DRC4: variants seen among roughly 807,000 people sequenced by gnomAD.
The protein encoded by DRC4 is GAS-11.
At chr16:90,032,940 G>T in the DRC4 span, 1 of 1,605,482 alleles carries the variant, frequency 6.2e-7, no homozygotes, top group South Asian at 1.1e-5. Flanking sequence ...TGTGGCGGGG[G>T]CACCTGGAGG....
At chr16:90,044,868 C>G in the DRC4 span, 1 of 246,298 alleles carries the variant, frequency 4.1e-6, no homozygotes, top group Non-Finnish European at 8.2e-6. Context: ...ATCCCATGAG[C>G]AAGAACCACT....
At chr16:90,027,701 A>C in the DRC4 span, 1 of 1,613,862 alleles carries the variant, frequency 6.2e-7, no homozygotes, top group African/African-American at 1.3e-5. Flanking sequence ...GGCTCGCTCC[A>C]GAGGACATGA....
At chr16:90,043,413 C>T in the DRC4 span, 6 of 1,417,540 alleles carry the variant, frequency 4.2e-6, no homozygotes, top group African/African-American at 4.3e-5. Context: ...CCCCTTATCA[C>T]ACCAAGGACA....
the DRC4 span, chr16:90,040,327 CG>C: frequency 6.3e-7 from 1 of 1,597,350 alleles, no homozygotes; most frequent in East Asian, 2.3e-5. Context: ...CGAGCTCTAT[CG>C]GAAGTTCACC....
At chr16:90,034,636 T>C in the DRC4 span, among the ~76,000 whole-genome samples, 1 of 151,956 alleles carries the variant, frequency 6.6e-6, no homozygotes, top group African/African-American at 2.4e-5. Context: ...AAAAGAAAAA[T>C]TACTGCTTTA....
the DRC4 span, chr16:90,044,520 G>A: frequency 4.2e-6 from 2 of 471,224 alleles, no homozygotes; most frequent in Non-Finnish European, 8.8e-6. Context: ...GTGGGTAGAA[G>A]CTTTCCTGCC....
the DRC4 span, chr16:90,035,599 G>A: frequency 7.4e-6 from 12 of 1,614,088 alleles, no homozygotes; most frequent in South Asian, 8.8e-5. Flanking sequence ...CTCTGTGTCC[G>A]GCTGTGTAGT....
the DRC4 span, among the ~76,000 whole-genome samples, chr16:90,033,727 A>G: frequency 3.3e-5 from 5 of 152,222 alleles, no homozygotes; most frequent in Admixed American, 6.5e-5. Flanking sequence ...ATCTCTGACA[A>G]AACGCCTGCC....
chr16:90,042,553 C>T, the DRC4 span: 1 of 1,609,106 alleles, frequency 6.2e-7, no homozygotes. Flanking sequence ...TGTGCCCTGC[C>T]CTCCCTCAGG....
chr16:90,036,572 A>G, the DRC4 span: 1 of 1,581,872 alleles, frequency 6.3e-7, no homozygotes, highest in Non-Finnish European at 8.6e-7. Flanking sequence ...CCTGGCCCTC[A>G]TCAACTCCCT....
chr16:90,035,619 T>A, the DRC4 span: 1 of 1,614,160 alleles, frequency 6.2e-7, no homozygotes. Flanking sequence ...TAATGGCCGC[T>A]TCTCCCTGTG....
At chr16:90,031,136 C>T in the DRC4 span, 188,332 of 1,472,706 alleles carry the variant, frequency 0.13, 20,099 homozygotes, top group East Asian at 0.65. Context: ...ATTCTGTCTC[C>T]GGAGCTTCCT....
the DRC4 span, chr16:90,043,619 G>A: frequency 0.41 from 239,985 of 591,194 alleles, 56,346 homozygotes; most frequent in East Asian, 0.79. Flanking sequence ...CACAGTCGGC[G>A]GCACCTTCTC....
the DRC4 span, among the ~76,000 whole-genome samples, chr16:90,021,757 T>G: frequency 6.6e-6 from 1 of 151,052 alleles, no homozygotes; most frequent in Admixed American, 6.7e-5. Context: ...TAGTCCTGGC[T>G]TCTCAGGAGG....
At chr16:90,042,122 G>C in the DRC4 span, among the ~76,000 whole-genome samples, 1 of 152,262 alleles carries the variant, frequency 6.6e-6, no homozygotes, top group South Asian at 2.1e-4. Flanking sequence ...GTATAGTAGA[G>C]ACGGGGTTTC....
the DRC4 span, chr16:90,040,281 C>T: frequency 6.4e-7 from 1 of 1,559,182 alleles, no homozygotes; most frequent in African/African-American, 1.4e-5. Flanking sequence ...ATCGCCCACC[C>T]CCAGCGCTGT....
At chr16:90,025,236 C>G in the DRC4 span, among the ~76,000 whole-genome samples, 1 of 149,596 alleles carries the variant, frequency 6.7e-6, no homozygotes, top group Admixed American at 6.6e-5. Context: ...CCAGGCTGGT[C>G]TTGAACTGCT....
At chr16:90,030,338 A>T in the DRC4 span, among the ~76,000 whole-genome samples, 1 of 151,494 alleles carries the variant, frequency 6.6e-6, no homozygotes, top group Non-Finnish European at 1.5e-5. Context: ...AACCATTTCC[A>T]TATTTATTTA....
At chr16:90,036,320 C>T in the DRC4 span, 10 of 1,434,320 alleles carry the variant, frequency 7.0e-6, no homozygotes, top group Admixed American at 2.0e-5. Flanking sequence ...GCTCCATGTT[C>T]TGTAGCCGTA....
Sources: gnomAD v4.1 joint callset for allele counts (sites outside exome capture counted in the v4.1 genomes callset) on GRCh38, gnomAD v4.1.1 for gene constraint, MANE v1.5 for transcripts, NCBI Gene and HGNC (gene_info 2026-07-23, HGNC 2026-07-21) for gene names.